The following TSBP1 variants were observed in gnomAD, a reference collection of about 807,000 sequenced individuals.
TSBP1 encodes testis-expressed basic protein 1.
Under a neutral mutation model 68.8 loss-of-function variants are expected in TSBP1, and 56 were observed. The ratio of observed to expected loss-of-function variants is 0.81; its 90% CI spans 0.66 to 1.02. TSBP1 has a LOEUF of 1.02. Among genes scored for constraint, TSBP1 ranks in the 50% least tolerant of loss-of-function variants. TSBP1 has a pLI of 0.00. For synonymous variants in TSBP1, 171 were observed against 208.7 expected (o/e 0.82, Z 1.56); for missense variants, 502 against 641.2 (o/e 0.78, Z 2.34).
At chr6:32,320,514 G>T (rs570250061) in intron 18 of TSBP1, among the ~76,000 whole-genome samples, 15 of 152,086 alleles carry the variant, frequency 9.9e-5, no homozygotes, top group Non-Finnish European at 1.8e-4. Flanking sequence ...CTTTGTTCCT[G>T]AGGCAAAGCT....
At chr6:32,369,305 G>A (rs1774118991) in intron 2 of TSBP1, among the ~76,000 whole-genome samples, 1 of 144,220 alleles carries the variant, frequency 6.9e-6, no homozygotes, top group South Asian at 2.2e-4. Context: ...TTTAAACTCA[G>A]GTAATTTCCC....
chr6:32,365,060 A>ATT lies in TSBP1; in HGVS notation c.217+1105_217+1106dup, dbSNP rs140033884. Reference sequence around the variant, plus strand: ...AGGTGTGCACCGCCACATCCAACTGATTTTTTTTTTTTTTAGAGACGGAGT... The same window carrying ATT: ...AGGTGTGCACCGCCACATCCAACTGATTTTTTTTTTTTTTTTAGAGACGGAGT... On this transcript the variant is annotated intron_variant, in intron 6 of 22. Transcript: ENST00000612031. This position sits in a 1 kb window ranked among gnomAD's most constrained non-coding sequence, Gnocchi z 4.3. Among the ~76,000 whole-genome samples, 54,433 of 145,300 alleles carry ATT rather than the reference A, an allele frequency of 0.37. 10,645 individuals carry two copies. Among genetic ancestry groups the ATT allele is most frequent in the South Asian group, 0.43 (1,955 of 4,536 alleles).
rs1407065536 is a variant in TSBP1, at chr6:32,302,118, A to G, written c.601+491T>C. 6.6e-6 allele frequency among the ~76,000 whole-genome samples: 1 copy of G among 152,028 alleles called. No homozygotes were observed. Among genetic ancestry groups the G allele is most frequent in the East Asian group, 1.9e-4 (1 of 5,196 alleles). ...ATGACTGTTTTTGTGCTACAACAGCAGGGTTGAGTAGTTGTGACAGAGACT... is the reference window on the plus strand; with the variant it reads ...ATGACTGTTTTTGTGCTACAACAGCGGGGTTGAGTAGTTGTGACAGAGACT... On this transcript the variant is annotated intron_variant, in intron 20 of 22. Transcript: ENST00000612031. The surrounding 1 kb of genome is among the most constrained non-coding windows in gnomAD (Gnocchi z 5.1).
At chr6:32,298,272 A>G (rs1201636819) in intron 22 of TSBP1, among the ~76,000 whole-genome samples, 1 of 152,088 alleles carries the variant, frequency 6.6e-6, no homozygotes, top group Non-Finnish European at 1.5e-5. Context: ...TTCTTGTACC[A>G]TGAATCAAAA....
At chr6:32,334,783 C>T (rs1769451813) in intron 14 of TSBP1, among the ~76,000 whole-genome samples, 1 of 152,164 alleles carries the variant, frequency 6.6e-6, no homozygotes, top group Non-Finnish European at 1.5e-5. Flanking sequence ...CCTGTAATCC[C>T]AACACTTTGG....
Position 32,343,199 on chromosome 6 carries a change from C to T in TSBP1, c.350-3561G>A. On this transcript the variant is annotated intron_variant, in intron 9 of 22. Coordinates refer to ENST00000612031, the Ensembl canonical transcript of TSBP1. The surrounding 1 kb of genome is among the most constrained non-coding windows in gnomAD (Gnocchi z 4.3). The stretch of plus-strand genomic sequence containing the variant: ...GAAGTCCTCTGCCTAGCATAGGAGC[C>T]CAACAACACCAGAGTTTGAAACAAG... 7.7e-7 allele frequency: 1 copy of T among 1,291,538 alleles called. No individual in the cohort carries two copies. Among genetic ancestry groups the T allele is most frequent in the Non-Finnish European group, 1.0e-6 (1 of 991,550 alleles). The allele number at this position is 1,291,538 out of a possible 1,614,324, so 80.0% of individuals were successfully genotyped here.
intron 1 of TSBP1, among the ~76,000 whole-genome samples, chr6:32,371,031 A>G (rs999089784): frequency 5.9e-5 from 9 of 152,190 alleles, no homozygotes; most frequent in Non-Finnish European, 8.8e-5. Flanking sequence ...CACACCTCCA[A>G]CCAGGGCAGA....
rs943428695 is a variant in TSBP1, at chr6:32,304,449, A to G, written c.581-1820T>C. On this transcript the variant is annotated intron_variant, in intron 19 of 22. Transcript: ENST00000612031. This position sits in a 1 kb window ranked among gnomAD's most constrained non-coding sequence, Gnocchi z 4.8. Reference sequence around the variant, plus strand: ...AAAACAGACCTTTGGGAAACATTAAATCTTCTAGGAATATGCTATCTCTTA... The same window carrying G: ...AAAACAGACCTTTGGGAAACATTAAGTCTTCTAGGAATATGCTATCTCTTA... Among the ~76,000 whole-genome samples the G allele has an allele frequency of 2.6e-5, 4 of 152,198 alleles. No individual in the cohort carries two copies. The highest frequency in any genetic ancestry group is 9.7e-5 in the African/African-American group (4 of 41,432).
chr6:32,293,685 C>A (rs774120324), exon 23 of TSBP1: 1 of 1,613,028 alleles, frequency 6.2e-7, no homozygotes, highest in Admixed American at 1.7e-5. Context: ...CCTCTTGGTA[C>A]ATCTGACACA....
At chr6:32,369,373 AT>A (rs9281761) in intron 2 of TSBP1, among the ~76,000 whole-genome samples, 26 of 127,014 alleles carry the variant, frequency 2.0e-4, no homozygotes, top group Non-Finnish European at 2.3e-4. Context: ...AAACTCTGTG[AT>A]TTTTTTTTTT....
At position 32,343,510 on chromosome 6, in the gene TSBP1, C is replaced by T. The variant is rs983588111; in HGVS notation, c.350-3872G>A. Among the ~76,000 whole-genome samples the T allele has an allele frequency of 3.9e-5, 6 of 152,156 alleles. No homozygotes were observed. The highest frequency in any genetic ancestry group is 9.7e-5 in the African/African-American group (4 of 41,432). On this transcript the variant is annotated intron_variant, in intron 9 of 22. Coordinates refer to ENST00000612031, the Ensembl canonical transcript of TSBP1. The surrounding 1 kb of genome is among the most constrained non-coding windows in gnomAD (Gnocchi z 4.3). ...CCAATATTCTGATTTCATTCACCACCTTTCTCCTGTCTTTTCCGTTTCTCC... is the reference window on the plus strand; with the variant it reads ...CCAATATTCTGATTTCATTCACCACTTTTCTCCTGTCTTTTCCGTTTCTCC...
intron 9 of TSBP1, 69 bp downstream of exon 9, chr6:32,349,671 T>C (rs1771493339): frequency 4.3e-6 from 4 of 937,360 alleles, no homozygotes; most frequent in Admixed American, 1.8e-5. Flanking sequence ...CTGGGAAGTT[T>C]AGGAAGATAT....
In TSBP1 at chr6:32,338,855, A is replaced by G; in HGVS notation, c.409+124T>C. ...ATTAAGATAAGAATAGGGAATAAACAAGGGGAAAGGAATGGACAATTTGTG... is the reference window on the plus strand; with the variant it reads ...ATTAAGATAAGAATAGGGAATAAACGAGGGGAAAGGAATGGACAATTTGTG... On this transcript the variant is annotated intron_variant, in intron 11 of 22. Coordinates refer to ENST00000612031, the Ensembl canonical transcript of TSBP1. This position sits in a 1 kb window ranked among gnomAD's most constrained non-coding sequence, Gnocchi z 5.5. The G allele has an allele frequency of 1.2e-6, 1 of 815,144 alleles. No homozygotes were observed. The highest frequency in any genetic ancestry group is 2.1e-6 in the Non-Finnish European group (1 of 469,610). 50.5% of individuals were successfully genotyped at this position (815,144 alleles called of 1,614,324 possible).
chr6:32,347,153 C>G (rs1306354112), intron 9 of TSBP1, among the ~76,000 whole-genome samples: 1 of 126,728 alleles, frequency 7.9e-6, no homozygotes, highest in African/African-American at 3.0e-5. Context: ...ATGTCTCTTA[C>G]AGCCCTCTTA....
intron 20 of TSBP1, 81 bp from the exon 24 acceptor site, chr6:32,300,781 G>T (rs1333400446): frequency 1.8e-6 from 2 of 1,118,238 alleles, no homozygotes; most frequent in East Asian, 4.7e-5. Flanking sequence ...CATTGAGTGG[G>T]ATCTGTGTCA....
intron 2 of TSBP1, among the ~76,000 whole-genome samples, chr6:32,369,687 A>G (rs1373354122): frequency 6.6e-6 from 1 of 152,156 alleles, no homozygotes; most frequent in Non-Finnish European, 1.5e-5. Flanking sequence ...TTTCTTTGAC[A>G]TTATTGATAA....
At chr6:32,347,163 A>G (rs1390460385) in intron 9 of TSBP1, among the ~76,000 whole-genome samples, 1 of 70,786 alleles carries the variant, frequency 1.4e-5, no homozygotes, top group Non-Finnish European at 2.7e-5. Context: ...CAGCCCTCTT[A>G]GATTTTTTTT....
chr6:32,344,853 T>G (rs1341796048), intron 9 of TSBP1, among the ~76,000 whole-genome samples: 1 of 150,500 alleles, frequency 6.6e-6, no homozygotes, highest in African/African-American at 2.4e-5. Flanking sequence ...GACCTTAGGT[T>G]TTTTTTTTGG....
intron 9 of TSBP1, among the ~76,000 whole-genome samples, chr6:32,347,914 A>G (rs1771243124): frequency 1.3e-5 from 2 of 152,184 alleles, no homozygotes; most frequent in South Asian, 2.1e-4. Context: ...ATATCTCCTC[A>G]GGGAAATTTC....
Sources: allele counts gnomAD v4.1 joint callset (sites outside exome capture counted in the v4.1 genomes callset), GRCh38; gene constraint gnomAD v4.1.1; non-coding constraint Gnocchi (gnomAD v3.1); transcripts MANE v1.5; gene names NCBI Gene and HGNC (gene_info 2026-07-23, HGNC 2026-07-21).